The following SLC22A23 variants were observed in gnomAD, a reference collection of about 807,000 sequenced individuals.
SLC22A23 encodes ion transporter protein.
A neutral mutation model predicts 61.0 loss-of-function variants in SLC22A23; 26 were observed. That is an observed-to-expected ratio of 0.43 (90% CI 0.31 to 0.59). The LOEUF (loss-of-function observed/expected upper bound fraction) is 0.59, where lower values mean the gene tolerates loss of function less well. Ranked by LOEUF, SLC22A23 falls within the 20% of genes least tolerant of loss-of-function variation. SLC22A23 has a pLI of 0.11. For missense variants in SLC22A23, 796 were observed against 934.7 expected (o/e 0.85, Z 1.94); for synonymous variants, 430 against 413.9 (o/e 1.04, Z -0.47).
intron 9 of SLC22A23, among the ~76,000 whole-genome samples, chr6:3,280,490 CTT>C (rs1163139930): frequency 1.7e-5 from 1 of 57,288 alleles, no homozygotes; most frequent in African/African-American, 5.7e-5. Context: ...TAAGACACAA[CTT>C]TTTTTTTTTT....
chr6:3,387,602 G>T lies in SLC22A23; in HGVS notation c.913+22586C>A, dbSNP rs987354928. 1.2e-4 allele frequency among the ~76,000 whole-genome samples: 19 copies of T among 152,226 alleles called. No individual in the cohort carries two copies. The highest frequency in any genetic ancestry group is 4.6e-4 in the African/African-American group (19 of 41,456). On this transcript the variant is annotated intron_variant, in intron 3 of 9. Coordinates refer to ENST00000406686, the MANE Select transcript of SLC22A23 (RefSeq NM_015482.2). The surrounding 1 kb of genome is among the most constrained non-coding windows in gnomAD (Gnocchi z 5.0). ...CGTCCGTTTCTCAGCTCTGGGGACC[G>T]TAGCGTGGTTATGTGAGTTCACGTT...
chr6:3,379,874 T>C (rs1401730061), intron 3 of SLC22A23, among the ~76,000 whole-genome samples: 1 of 152,200 alleles, frequency 6.6e-6, no homozygotes, highest in African/African-American at 2.4e-5. Context: ...TTAGGGATGA[T>C]AAATATTGTG....
intron 9 of SLC22A23, among the ~76,000 whole-genome samples, chr6:3,275,104 G>A (rs1758773975): frequency 6.6e-6 from 1 of 152,352 alleles, no homozygotes; most frequent in East Asian, 1.9e-4. Context: ...TTAAGGCAGT[G>A]TGGTGTTGGT....
chr6:3,438,195 A>G (rs984281328), intron 1 of SLC22A23, among the ~76,000 whole-genome samples: 1 of 152,226 alleles, frequency 6.6e-6, no homozygotes, highest in Non-Finnish European at 1.5e-5. Context: ...AGACAACGCT[A>G]CCAAGTCCAG....
At chr6:3,274,987 C>A (rs1758765036) in intron 9 of SLC22A23, among the ~76,000 whole-genome samples, 1 of 149,232 alleles carries the variant, frequency 6.7e-6, no homozygotes. Context: ...ACAGCCAATT[C>A]TAAAATTTAT....
At position 3,308,248 on chromosome 6, in the gene SLC22A23, G is replaced by A. The variant is rs774125910; in HGVS notation, c.1083-10030C>T. On this transcript the variant is annotated intron_variant, in intron 4 of 9. Transcript: ENST00000406686. The surrounding 1 kb of genome is among the most constrained non-coding windows in gnomAD (Gnocchi z 5.1). ...GAGAAGACGAAAGCCCCCCCATACC[G>A]CTCACCCCAATCCCAGTGCCCCTGC... Among the ~76,000 whole-genome samples, 17 of 152,044 alleles carry A rather than the reference G, an allele frequency of 1.1e-4. No homozygotes were observed. The highest frequency in any genetic ancestry group is 2.2e-4 in the African/African-American group (9 of 41,382).
In SLC22A23 at chr6:3,327,343, T is replaced by C. The variant is rs111233222; in HGVS notation, c.914-3341A>G. On this transcript the variant is annotated intron_variant, in intron 3 of 9. Coordinates refer to ENST00000406686, the MANE Select transcript of SLC22A23 (RefSeq NM_015482.2). This position sits in a 1 kb window ranked among gnomAD's most constrained non-coding sequence, Gnocchi z 4.1. Reference sequence around the variant, plus strand: ...AGCTGTGTCCCGGTACTTACTAGAATCAATTTCTTTGCCAATGGAACCAAA... The same window carrying C: ...AGCTGTGTCCCGGTACTTACTAGAACCAATTTCTTTGCCAATGGAACCAAA... 3.1e-3 allele frequency among the ~76,000 whole-genome samples: 471 copies of C among 152,312 alleles called. 1 individual carries two copies. Among genetic ancestry groups the C allele is most frequent in the African/African-American group, 0.01 (434 of 41,570 alleles).
rs1388519999 is a variant in SLC22A23, at chr6:3,328,742, C to T, written c.914-4740G>A. 2.0e-5 allele frequency among the ~76,000 whole-genome samples: 3 copies of T among 152,176 alleles called. No individual in the cohort carries two copies. Among genetic ancestry groups the T allele is most frequent in the African/African-American group, 7.2e-5 (3 of 41,438 alleles). On this transcript the variant is annotated intron_variant, in intron 3 of 9. Coordinates refer to ENST00000406686, the MANE Select transcript of SLC22A23 (RefSeq NM_015482.2). The surrounding 1 kb of genome is among the most constrained non-coding windows in gnomAD (Gnocchi z 5.0). ...TGGATGTCAGCCTGGCCACCCCTCA[C>T]AGTCGTGTGGGCCAATTCCTCGCAG...
intron 6 of SLC22A23, 36 bp downstream of exon 6, chr6:3,289,728 C>T: frequency 1.9e-6 from 3 of 1,582,354 alleles, no homozygotes; most frequent in Non-Finnish European, 2.6e-6. Flanking sequence ...CCCTGGCCCC[C>T]TCCCACCCAG....
Position 3,456,221 on chromosome 6 carries a change from G to A in SLC22A23, c.339C>T (p.Ser113=). 6.4e-7 allele frequency: 1 copy of A among 1,551,358 alleles called. No homozygotes were observed. Among genetic ancestry groups the A allele is most frequent in the Non-Finnish European group, 8.7e-7 (1 of 1,146,854 alleles). Residue 113 remains serine, a synonymous_variant, in exon 1 of 10, where the codon AGC becomes AGT. Transcript: ENST00000406686. This position sits in a 1 kb window ranked among gnomAD's most constrained non-coding sequence, Gnocchi z 7.1. ...TWIPALFIGF[S]QFSDSFLLDQ... Reference sequence around the variant, plus strand: ...CCAGGAGGAACGAGTCCGAGAACTGGCTGAAGCCGATGAACAGCGCCGGGA... The same window carrying A: ...CCAGGAGGAACGAGTCCGAGAACTGACTGAAGCCGATGAACAGCGCCGGGA...
At chr6:3,285,232 A>AGT in intron 7 of SLC22A23, 121 bp from the exon 8 acceptor site, 1 of 1,378,000 alleles carries the variant, frequency 7.3e-7, no homozygotes. Context: ...GTTCAAGCAA[A>AGT]CTCCCTTCCG....
At chr6:3,350,659 G>C (rs536847791) in intron 3 of SLC22A23, among the ~76,000 whole-genome samples, 1 of 152,296 alleles carries the variant, frequency 6.6e-6, no homozygotes, top group South Asian at 2.1e-4. Context: ...TGGATTAACT[G>C]ATCCATTCGT....
intron 3 of SLC22A23, among the ~76,000 whole-genome samples, chr6:3,368,371 G>A (rs982943378): frequency 6.6e-6 from 1 of 152,176 alleles, no homozygotes; most frequent in African/African-American, 2.4e-5. Context: ...GATACGGGAG[G>A]CCTCTGTAAC....
chr6:3,319,239 T>C (rs1762811421), intron 4 of SLC22A23, among the ~76,000 whole-genome samples: 1 of 152,092 alleles, frequency 6.6e-6, no homozygotes, highest in African/African-American at 2.4e-5. Flanking sequence ...TTGTCCACCA[T>C]GCTCCAGCCC....
intron 3 of SLC22A23, among the ~76,000 whole-genome samples, chr6:3,378,318 C>T (rs1005504848): frequency 6.6e-6 from 1 of 152,118 alleles, no homozygotes; most frequent in South Asian, 2.1e-4. Context: ...GAACCAGGAC[C>T]GTTCTCCCAG....
chr6:3,392,088 C>G (rs1375206013), intron 3 of SLC22A23, among the ~76,000 whole-genome samples: 2 of 152,212 alleles, frequency 1.3e-5, no homozygotes, highest in Admixed American at 1.3e-4. Flanking sequence ...CCCCTTCTTC[C>G]TACAGGCTCA....
Position 3,285,120 on chromosome 6 carries a change from G to T in SLC22A23, c.1547-9C>A. On this transcript the variant is annotated splice_polypyrimidine_tract_variant and intron_variant, in intron 7 of 9. Transcript: ENST00000406686. ...GCTGTACTTTCCAATCACTGGACCCGCAGACATGATCGCACCCACACGGAC... is the reference window on the plus strand; with the variant it reads ...GCTGTACTTTCCAATCACTGGACCCTCAGACATGATCGCACCCACACGGAC... The T allele has an allele frequency of 1.2e-6, 2 of 1,613,206 alleles. No homozygotes were observed. The highest frequency in any genetic ancestry group is 2.2e-5 in the East Asian group (1 of 44,828).
rs1026133311 is a variant in SLC22A23, at chr6:3,372,760, A to G, written c.913+37428T>C. ...AAGTCCTAGGACAATCTAGGCCAAC[A>G]TTCTCTTCCAAATTCTGACTTGTTT... On this transcript the variant is annotated intron_variant, in intron 3 of 9. Transcript: ENST00000406686. This position sits in a 1 kb window ranked among gnomAD's most constrained non-coding sequence, Gnocchi z 4.7. 6.6e-6 allele frequency among the ~76,000 whole-genome samples: 1 copy of G among 152,228 alleles called. No homozygotes were observed. The highest frequency in any genetic ancestry group is 2.4e-5 in the African/African-American group (1 of 41,460).
At chr6:3,356,430 G>A (rs1765109303) in intron 3 of SLC22A23, among the ~76,000 whole-genome samples, 1 of 151,978 alleles carries the variant, frequency 6.6e-6, no homozygotes, top group Admixed American at 6.5e-5. Flanking sequence ...AAGGGGCAGG[G>A]GAAGCCTCAG....
Sources: gnomAD v4.1 joint callset for allele counts (sites outside exome capture counted in the v4.1 genomes callset) on GRCh38, gnomAD v4.1.1 for gene constraint, Gnocchi (gnomAD v3.1) non-coding constraint, MANE v1.5 for transcripts, NCBI Gene and HGNC (gene_info 2026-07-23, HGNC 2026-07-21) for gene names.